Variants in TBL1XR1 observed in about 807,000 individuals in gnomAD.
TBL1XR1 encodes TBL1X/Y related 1.
A neutral mutation model predicts 66.9 loss-of-function variants in TBL1XR1; 5 were observed. The ratio of observed to expected loss-of-function variants is 0.07; its 90% CI spans 0.04 to 0.16. TBL1XR1 has a LOEUF of 0.16. TBL1XR1 is among the 10% of genes least tolerant of loss of function. The pLI is 1.00. For synonymous variants in TBL1XR1, 210 were observed against 206.0 expected, an observed-to-expected ratio of 1.02 and a Z score of -0.17; for missense variants, 238 against 623.2, an observed-to-expected ratio of 0.38 and a Z score of 6.58.
intron 3 of TBL1XR1, among the ~76,000 whole-genome samples, chr3:177,060,224 G>A (rs1002192867): frequency 1.4e-4 from 22 of 151,898 alleles, no homozygotes; most frequent in African/African-American, 3.6e-4. Context: ...TATTAGTTAC[G>A]TCCCTCAAGA....
rs1228775750 is a variant in TBL1XR1, at chr3:177,114,906, G to T, written c.-121-16365C>A. Among the ~76,000 whole-genome samples, 15 of 152,064 alleles carry T rather than the reference G, an allele frequency of 9.9e-5. 1 individual carries two copies. Among genetic ancestry groups the T allele is most frequent in the Admixed American group, 9.8e-4 (15 of 15,262 alleles). On this transcript the variant is annotated intron_variant, in intron 1 of 15. Transcript: ENST00000457928. ...AGGCAGGAGGACCCCTTGAGCCCAGGAGTTTGAGGTTGCAGTGAGCCATGA... is the reference window on the plus strand; with the variant it reads ...AGGCAGGAGGACCCCTTGAGCCCAGTAGTTTGAGGTTGCAGTGAGCCATGA...
At chr3:177,032,068 T>A (rs956592992) in intron 14 of TBL1XR1, among the ~76,000 whole-genome samples, 1 of 152,192 alleles carries the variant, frequency 6.6e-6, no homozygotes, top group African/African-American at 2.4e-5. Context: ...CATTTATCAC[T>A]AATGGATTGA....
At chr3:177,071,175 C>T (rs1330604496) in intron 2 of TBL1XR1, among the ~76,000 whole-genome samples, 5 of 151,980 alleles carry the variant, frequency 3.3e-5, no homozygotes, top group Admixed American at 6.5e-5. Context: ...GGACTATAGG[C>T]ACCCGCCACC....
intron 1 of TBL1XR1, among the ~76,000 whole-genome samples, chr3:177,180,884 C>A (rs2108967315): frequency 6.6e-6 from 1 of 152,042 alleles, no homozygotes; most frequent in South Asian, 2.1e-4. Context: ...TTACAGGCCA[C>A]CACGCCCTGC....
intron 2 of TBL1XR1, among the ~76,000 whole-genome samples, chr3:177,087,812 G>A (rs529939394): frequency 2.0e-5 from 3 of 152,132 alleles, no homozygotes; most frequent in Admixed American, 2.0e-4. Flanking sequence ...GTAAGAAATG[G>A]CCTTCAGTTT....
At chr3:177,139,494 C>T (rs1273182822) in intron 1 of TBL1XR1, among the ~76,000 whole-genome samples, 1 of 151,086 alleles carries the variant, frequency 6.6e-6, no homozygotes, top group Non-Finnish European at 1.5e-5. Flanking sequence ...GAGATCACAC[C>T]ACTGTACTCC....
At chr3:177,180,370 A>AT (rs1222456743) in intron 1 of TBL1XR1, among the ~76,000 whole-genome samples, 3 of 57,594 alleles carry the variant, frequency 5.2e-5, no homozygotes, top group Non-Finnish European at 9.3e-5. Context: ...AAATACGTTC[A>AT]TTCCCCCCCC....
intron 1 of TBL1XR1, among the ~76,000 whole-genome samples, chr3:177,143,787 GGCTCT>G (rs1729914022): frequency 6.6e-6 from 1 of 152,284 alleles, no homozygotes; most frequent in East Asian, 1.9e-4. Flanking sequence ...AGTTCATTCA[GGCTCT>G]AACAGAATTA....
chr3:177,159,055 T>A (rs1030249657), intron 1 of TBL1XR1, among the ~76,000 whole-genome samples: 4 of 152,258 alleles, frequency 2.6e-5, no homozygotes, highest in Admixed American at 6.5e-5. Flanking sequence ...TTAATTCTCC[T>A]AAAATGTAAA....
At chr3:177,166,180 A>G (rs2108906532) in intron 1 of TBL1XR1, among the ~76,000 whole-genome samples, 1 of 152,308 alleles carries the variant, frequency 6.6e-6, no homozygotes, top group Middle Eastern at 3.4e-3. Flanking sequence ...TGAGCTCAGG[A>G]GTTTGAGACC....
chr3:177,044,731 CT>C (rs1716086010), intron 10 of TBL1XR1: 1 of 152,054 alleles, frequency 6.6e-6, no homozygotes, highest in African/African-American at 2.4e-5. Flanking sequence ...TAAACTGAAG[CT>C]TATTTATTCG....
At chr3:177,067,483 C>T (rs1719317541) in intron 2 of TBL1XR1, among the ~76,000 whole-genome samples, 1 of 121,368 alleles carries the variant, frequency 8.2e-6, no homozygotes, top group South Asian at 2.3e-4. Flanking sequence ...ACAAGTGATG[C>T]TTCCAGCACC....
At chr3:177,191,110 G>T (rs181112778) in intron 1 of TBL1XR1, among the ~76,000 whole-genome samples, 2 of 152,258 alleles carry the variant, frequency 1.3e-5, no homozygotes, top group Non-Finnish European at 2.9e-5. Flanking sequence ...TGAGAGGCCG[G>T]CAAGAATCCC....
intron 1 of TBL1XR1, among the ~76,000 whole-genome samples, chr3:177,127,534 T>G (rs757526317): frequency 1.3e-4 from 20 of 152,222 alleles, no homozygotes; most frequent in Non-Finnish European, 2.8e-4. Flanking sequence ...TGTATACTAT[T>G]CTTCACACAG....
intron 2 of TBL1XR1, among the ~76,000 whole-genome samples, chr3:177,077,938 C>A (rs1169475243): frequency 1.3e-5 from 2 of 152,168 alleles, no homozygotes; most frequent in East Asian, 3.8e-4. Context: ...GACATTAAGG[C>A]ATTACATCAA....
intron 2 of TBL1XR1, among the ~76,000 whole-genome samples, chr3:177,081,905 T>C (rs1334254978): frequency 6.6e-6 from 1 of 152,066 alleles, no homozygotes; most frequent in Admixed American, 6.5e-5. Context: ...TTGGGTAAAA[T>C]ATTCTCCTCT....
intron 1 of TBL1XR1, among the ~76,000 whole-genome samples, chr3:177,127,767 G>A (rs62296575): frequency 0.061 from 9,302 of 152,104 alleles, 376 homozygotes; most frequent in South Asian, 0.16. Flanking sequence ...AACATATACC[G>A]GCAGTTCACA....
intron 1 of TBL1XR1, among the ~76,000 whole-genome samples, chr3:177,174,030 T>C (rs1733865939): frequency 6.6e-6 from 1 of 152,130 alleles, no homozygotes; most frequent in Non-Finnish European, 1.5e-5. Flanking sequence ...TTACACCCAC[T>C]AGCAACTTCA....
At chr3:177,131,852 T>C (rs1196144784) in intron 1 of TBL1XR1, among the ~76,000 whole-genome samples, 2 of 151,274 alleles carry the variant, frequency 1.3e-5, no homozygotes, top group Non-Finnish European at 2.9e-5. Context: ...TCATCACATC[T>C]TCCAATAAAG....
Sources: allele counts gnomAD v4.1 joint callset (sites outside exome capture counted in the v4.1 genomes callset), GRCh38; gene constraint gnomAD v4.1.1; transcripts MANE v1.5; gene names NCBI Gene and HGNC (gene_info 2026-07-23, HGNC 2026-07-21).